Variants in SPNS2 observed in about 807,000 individuals in gnomAD.
SPNS2 encodes SPNS lysolipid transporter 2, sphingosine-1-phosphate.
Under a neutral mutation model 57.6 loss-of-function variants are expected in SPNS2, and 37 were observed. The ratio of observed to expected loss-of-function variants is 0.64; its 90% CI spans 0.49 to 0.85. The LOEUF (loss-of-function observed/expected upper bound fraction) is 0.85, where lower values mean the gene tolerates loss of function less well. Ranked by LOEUF, SPNS2 falls within the 40% of genes least tolerant of loss-of-function variation. The pLI is 0.00. For synonymous variants in SPNS2, 440 were observed against 346.9 expected (o/e 1.27, Z -2.98); for missense variants, 831 against 779.1 (o/e 1.07, Z -0.79).
In SPNS2 at chr17:4,538,886, A is replaced by G; in HGVS notation, c.*1438A>G. 1.3e-6 allele frequency: 1 copy of G among 781,226 alleles called. No individual in the cohort carries two copies. Among genetic ancestry groups the G allele is most frequent in the Non-Finnish European group, 2.4e-6 (1 of 418,304 alleles). The allele number at this position is 781,226 out of a possible 1,614,324, so 48.4% of individuals were successfully genotyped here. A position where few individuals can be genotyped will look rare whatever the true frequency, so the allele number is the denominator to read the frequency against. On this transcript the variant is annotated 3_prime_UTR_variant, in exon 13 of 13. Coordinates refer to ENST00000329078, the MANE Select transcript of SPNS2 (RefSeq NM_001124758.3). ...CCCCAGCGATGTTTTCTTGTTGTAC[A>G]AGAACCAGGTCCGAGTGTTGCCTCC...
chr17:4,502,247 G>C (rs1274621152), intron 1 of SPNS2, among the ~76,000 whole-genome samples: 1 of 151,972 alleles, frequency 6.6e-6, no homozygotes, highest in African/African-American at 2.4e-5. Flanking sequence ...TAGCATGGTG[G>C]TGCACACCTG....
At chr17:4,519,808 C>T (rs2144336510) in intron 2 of SPNS2, among the ~76,000 whole-genome samples, 1 of 152,372 alleles carries the variant, frequency 6.6e-6, no homozygotes, top group Middle Eastern at 3.4e-3. Flanking sequence ...GCCTGCTGGC[C>T]TCTGTGTCCC....
chr17:4,508,138 C>A (rs769416313), intron 1 of SPNS2, among the ~76,000 whole-genome samples: 110 of 152,170 alleles, frequency 7.2e-4, no homozygotes, highest in Non-Finnish European at 1.4e-3. Context: ...CCAAGAGCCT[C>A]AGAGGAGAGA....
At position 4,533,795 on chromosome 17, in the gene SPNS2, T is replaced by G. The variant is rs777202532; in HGVS notation, c.1286T>G (p.Ile429Ser). The change falls in exon 9 of 13, where the codon ATC becomes AGC. Residue 429 changes from isoleucine to serine, a missense_variant. Coordinates refer to ENST00000329078, the MANE Select transcript of SPNS2 (RefSeq NM_001124758.3). ...TTGCCTTCTCCCCGGCAGATCTGTATCTTCGTCGGGGAGACGCTGCTGTTT... is the reference window on the plus strand; with the variant it reads ...TTGCCTTCTCCCCGGCAGATCTGTAGCTTCGTCGGGGAGACGCTGCTGTTT... ...KSSIVGAYIC[I>S]FVGETLLFSN... is the part of the protein sequence containing the mutation. The G allele has an allele frequency of 1.9e-6, 3 of 1,613,670 alleles. No homozygotes were observed. The highest frequency in any genetic ancestry group is 3.3e-5 in the Admixed American group (2 of 60,014).
At chr17:4,534,825 C>A (rs540725265) in intron 9 of SPNS2, among the ~76,000 whole-genome samples, 1 of 152,054 alleles carries the variant, frequency 6.6e-6, no homozygotes, top group African/African-American at 2.4e-5. Context: ...GGGAGGAGTC[C>A]GTGCAGATTA....
chr17:4,506,494 C>T (rs1322096844), intron 1 of SPNS2, among the ~76,000 whole-genome samples: 3 of 152,142 alleles, frequency 2.0e-5, no homozygotes, highest in East Asian at 1.9e-4. Flanking sequence ...AAGGAGTAGC[C>T]GTGCAAAGCC....
intron 8 of SPNS2, 94 bp downstream of exon 8, chr17:4,533,526 C>T: frequency 3.0e-6 from 4 of 1,351,826 alleles, no homozygotes; most frequent in South Asian, 2.8e-5. Context: ...ACTGGATGTT[C>T]CCTTCCCTCG....
intron 1 of SPNS2, among the ~76,000 whole-genome samples, chr17:4,505,202 C>G (rs1377099390): frequency 6.6e-6 from 1 of 152,150 alleles, no homozygotes; most frequent in Non-Finnish European, 1.5e-5. Flanking sequence ...CTGGGACCCC[C>G]GCATGCATAG....
intron 2 of SPNS2, among the ~76,000 whole-genome samples, chr17:4,522,978 A>G (rs1156763513): frequency 1.3e-5 from 2 of 152,220 alleles, no homozygotes; most frequent in Non-Finnish European, 2.9e-5. Flanking sequence ...CAGTCATCAC[A>G]GTGGGCTCCG....
rs1597360046 is a variant in SPNS2 at position 4,510,647 on chromosome 17, T to A, written c.371-2600T>A. 6.6e-6 allele frequency among the ~76,000 whole-genome samples: 1 copy of A among 152,174 alleles called. No individual in the cohort carries two copies. The highest frequency in any genetic ancestry group is 2.1e-4 in the South Asian group (1 of 4,828). Reference sequence around the variant, plus strand: ...GCAGACCCGTGTCCCTCCTCTGGACTATGGATGGGGACCCTCCTGCCTCCT... The same window carrying A: ...GCAGACCCGTGTCCCTCCTCTGGACAATGGATGGGGACCCTCCTGCCTCCT... On this transcript the variant is annotated intron_variant, in intron 1 of 12. Coordinates refer to ENST00000329078, the MANE Select transcript of SPNS2 (RefSeq NM_001124758.3). This position sits in a 1 kb window ranked among gnomAD's most constrained non-coding sequence, Gnocchi z 4.4.
chr17:4,533,674 G>GAGGGGTGTGAGGTTT, intron 8 of SPNS2, 114 bp from the exon 9 acceptor site: 1 of 1,241,534 alleles, frequency 8.1e-7, no homozygotes, highest in Non-Finnish European at 1.2e-6. Context: ...GTGGGCCCGG[G>GAGGGGTGTGAGGTTT]AGGGGTGTGA....
chr17:4,537,897 A>G lies in SPNS2; in HGVS notation c.*449A>G, dbSNP rs543299645. ...ACTCAACAGACCCTGGACCATACGG[A>G]GAGCAGGTGGCCCAGGCCTCAGGGC... On this transcript the variant is annotated 3_prime_UTR_variant, in exon 13 of 13. Transcript: ENST00000329078. 1.5e-4 allele frequency: 63 copies of G among 423,376 alleles called. No individual in the cohort carries two copies. Among genetic ancestry groups the G allele is most frequent in the South Asian group, 1.0e-3 (61 of 61,294 alleles). The allele number at this position is 423,376 out of a possible 1,614,324, so 26.2% of individuals were successfully genotyped here. A position where few individuals can be genotyped will look rare whatever the true frequency, so the allele number is the denominator to read the frequency against.
At chr17:4,530,894 C>G in intron 4 of SPNS2, 111 bp downstream of exon 4, 1 of 1,486,494 alleles carries the variant, frequency 6.7e-7, no homozygotes, top group Non-Finnish European at 9.1e-7. Context: ...CCTCAGAGAG[C>G]TAAACATGTG....
intron 2 of SPNS2, among the ~76,000 whole-genome samples, chr17:4,523,880 A>C (rs77906749): frequency 6.6e-6 from 1 of 151,976 alleles, no homozygotes; most frequent in Non-Finnish European, 1.5e-5. Flanking sequence ...TTTATTGTCT[A>C]TTTCTCCTCA....
In SPNS2 at chr17:4,525,047, C is replaced by T. The variant is rs762932410; in HGVS notation, c.437-10C>T. ...CCTGGGCCCCCCCTCAAGCTCTCCT[C>T]TCCCTGCAGTGTTCATCTGTAGCTT... On this transcript the variant is annotated splice_polypyrimidine_tract_variant and intron_variant, in intron 2 of 12. Transcript: ENST00000329078. The T allele has an allele frequency of 3.7e-6, 6 of 1,613,912 alleles. No homozygotes were observed. Among genetic ancestry groups the T allele is most frequent in the South Asian group, 3.3e-5 (3 of 91,072 alleles).
At chr17:4,513,136 GC>G (rs1459220575) in intron 1 of SPNS2, 110 bp from the exon 2 acceptor site, 6 of 1,202,016 alleles carry the variant, frequency 5.0e-6, no homozygotes, top group Non-Finnish European at 6.1e-6. Context: ...GAGCAGGAGT[GC>G]CGCAGATATG....
At chr17:4,506,212 G>A (rs374218058) in intron 1 of SPNS2, among the ~76,000 whole-genome samples, 229 of 152,318 alleles carry the variant, frequency 1.5e-3, no homozygotes, top group African/African-American at 5.3e-3. Flanking sequence ...CCGAGGCGGG[G>A]AGCAGCAGTC....
At chr17:4,531,674 T>C (rs1453308274) in intron 5 of SPNS2, among the ~76,000 whole-genome samples, 2 of 151,718 alleles carry the variant, frequency 1.3e-5, no homozygotes, top group African/African-American at 4.8e-5. Context: ...CTCCGTGGAA[T>C]TTCTTAGTGG....
At chr17:4,532,706 C>G (rs368503272) in intron 6 of SPNS2, 22 bp downstream of exon 6, 11 of 1,610,458 alleles carry the variant, frequency 6.8e-6, no homozygotes, top group East Asian at 2.2e-5. Flanking sequence ...GGGAAGGGGT[C>G]TGGTGGGAAG....
Sources: allele counts gnomAD v4.1 joint callset (sites outside exome capture counted in the v4.1 genomes callset), GRCh38; gene constraint gnomAD v4.1.1; non-coding constraint Gnocchi (gnomAD v3.1); transcripts MANE v1.5; gene names NCBI Gene and HGNC (gene_info 2026-07-23, HGNC 2026-07-21).